MTPAP: variants seen among roughly 807,000 people sequenced by gnomAD.
The protein encoded by MTPAP is mitochondrial poly(A) polymerase, also known as poly(A) RNA polymerase, mitochondrial.
Under a neutral mutation model 48.7 loss-of-function variants are expected in MTPAP, and 23 were observed. That is an observed-to-expected ratio of 0.47 (90% CI 0.34 to 0.67). The LOEUF (loss-of-function observed/expected upper bound fraction) is 0.67, where lower values mean the gene tolerates loss of function less well. Among genes scored for constraint, MTPAP ranks in the 30% least tolerant of loss-of-function variants. The pLI, the probability that MTPAP is intolerant of heterozygous loss-of-function variation, is 0.01. For missense variants in MTPAP, 614 were observed against 694.3 expected (o/e 0.88, Z 1.30); for synonymous variants, 257 against 254.1 (o/e 1.01, Z -0.11).
Position 30,324,793 on chromosome 10 carries a change from G to C in MTPAP, c.992+1631C>G, listed in dbSNP as rs142166905. ...GAGGTGGGCAGATCACCTGAGGTCC[G>C]GAGTTCAAGACCAGCCTGGCCAACA... is the stretch of plus-strand genomic sequence containing the variant. On this transcript the variant is annotated intron_variant, in intron 5 of 8. Coordinates refer to ENST00000263063, the MANE Select transcript of MTPAP (RefSeq NM_018109.4). Among the ~76,000 whole-genome samples the C allele has an allele frequency of 5.3e-5, 8 of 152,186 alleles. No homozygotes were observed. In the South Asian group the frequency reaches 1.7e-3, roughly 32 times the overall value.
intron 1 of MTPAP, among the ~76,000 whole-genome samples, chr10:30,348,536 A>G (rs1230754577): frequency 1.3e-5 from 2 of 152,240 alleles, no homozygotes; most frequent in African/African-American, 4.8e-5. Flanking sequence ...TACACAAAGA[A>G]GCATATAAAT....
In MTPAP at chr10:30,334,558, G is replaced by C. The variant is rs559120703; in HGVS notation, c.780+2245C>G. Among the ~76,000 whole-genome samples, 332 of 152,230 alleles carry C rather than the reference G, an allele frequency of 2.2e-3. 1 individual carries two copies. The highest frequency in any genetic ancestry group is 7.5e-3 in the African/African-American group (311 of 41,518). ...TGCCTGAAGTCCCAGCTACACAGGAGGCTGAGGCAGGAGAATCACTTGAAC... is the reference window on the plus strand; with the variant it reads ...TGCCTGAAGTCCCAGCTACACAGGACGCTGAGGCAGGAGAATCACTTGAAC... On this transcript the variant is annotated intron_variant, in intron 4 of 8. Coordinates refer to ENST00000263063, the MANE Select transcript of MTPAP (RefSeq NM_018109.4).
At chr10:30,337,145 C>T (rs1251326000) in intron 3 of MTPAP, 118 bp from the exon 4 acceptor site, 2 of 909,244 alleles carry the variant, frequency 2.2e-6, no homozygotes, top group Admixed American at 4.0e-5. Context: ...ATATGCAAAG[C>T]CTGGCGCAGT....
intron 5 of MTPAP, 34 bp downstream of exon 5, chr10:30,326,390 T>A (rs754529702): frequency 4.5e-6 from 7 of 1,556,424 alleles, no homozygotes; most frequent in Non-Finnish European, 6.2e-6. Context: ...ATCAGAATAT[T>A]CATATTTAAA....
intron 8 of MTPAP, 62 bp downstream of exon 8, chr10:30,315,901 A>T: frequency 7.1e-7 from 1 of 1,408,496 alleles, no homozygotes; most frequent in Non-Finnish European, 9.7e-7. Flanking sequence ...GAAAACAGTT[A>T]ATTAAATATT....
chr10:30,326,276 T>C, intron 5 of MTPAP, 148 bp downstream of exon 5: 1 of 715,802 alleles, frequency 1.4e-6, no homozygotes, highest in Non-Finnish European at 2.3e-6. Context: ...GAGAAAAGAT[T>C]ACTTACTTTT....
At position 30,338,143 on chromosome 10, in the gene MTPAP, A is replaced by C. The variant is rs995409100; in HGVS notation, c.556-1116T>G. The stretch of plus-strand genomic sequence containing the variant: ...GCTGGGCATGGTGGAATGCATCTGT[A>C]GTCTCAGCTACTCAGAAGGCTGAGG... On this transcript the variant is annotated intron_variant, in intron 3 of 8. Transcript: ENST00000263063. Among the ~76,000 whole-genome samples, 4 of 151,974 alleles carry C rather than the reference A, an allele frequency of 2.6e-5. No individual in the cohort carries two copies. In the South Asian group the frequency reaches 8.3e-4, roughly 32 times the overall value.
In MTPAP at chr10:30,310,959, A is replaced by G. The variant is rs372239832; in HGVS notation, c.*2650T>C. ...AAAATTAATCACATAATTAAATCTG[A>G]TTCTGAAAAGTAAAACAGCCTAGTG... On this transcript the variant is annotated 3_prime_UTR_variant, in exon 9 of 9. Transcript: ENST00000263063. 2.0e-5 allele frequency: 3 copies of G among 152,282 alleles called. No homozygotes were observed. Among genetic ancestry groups the G allele is most frequent in the African/African-American group, 7.2e-5 (3 of 41,548 alleles). The allele number at this position is 152,282 out of a possible 1,614,324, so 9.4% of individuals were successfully genotyped here.
At chr10:30,337,640 A>C (rs1834745355) in intron 3 of MTPAP, among the ~76,000 whole-genome samples, 1 of 152,232 alleles carries the variant, frequency 6.6e-6, no homozygotes, top group Non-Finnish European at 1.5e-5. Flanking sequence ...CCACTAGCAA[A>C]ATGAAAGTTG....
chr10:30,330,040 C>T lies in MTPAP; in HGVS notation c.781-3405G>A, dbSNP rs1834647367. ...TATATTAAATTATTCACCGGGTTAT[C>T]TCTGGAGGCAGTGTGACCAACAGAG... On this transcript the variant is annotated intron_variant, in intron 4 of 8. Coordinates refer to ENST00000263063, the MANE Select transcript of MTPAP (RefSeq NM_018109.4). 2.0e-5 allele frequency among the ~76,000 whole-genome samples: 3 copies of T among 151,936 alleles called. No homozygotes were observed. In the South Asian group the frequency reaches 6.2e-4, roughly 31 times the overall value.
At chr10:30,339,628 T>C (rs1019830476) in intron 3 of MTPAP, among the ~76,000 whole-genome samples, 15 of 152,186 alleles carry the variant, frequency 9.9e-5, no homozygotes, top group African/African-American at 3.6e-4. Context: ...AAGAATGTGG[T>C]TACCTGTAAG....
intron 3 of MTPAP, among the ~76,000 whole-genome samples, chr10:30,339,414 G>C (rs988554190): frequency 6.7e-6 from 1 of 149,228 alleles, no homozygotes; most frequent in Non-Finnish European, 1.5e-5. Context: ...TTGAATCGGG[G>C]AGCAGTTGCA....
At chr10:30,336,706 T>C (rs1834734178) in intron 4 of MTPAP, 97 bp downstream of exon 4, 4 of 975,084 alleles carry the variant, frequency 4.1e-6, no homozygotes. Context: ...TTAATAAGTT[T>C]AGAAATCAAC....
At chr10:30,332,755 C>G (rs1379097115) in intron 4 of MTPAP, among the ~76,000 whole-genome samples, 1 of 152,088 alleles carries the variant, frequency 6.6e-6, no homozygotes, top group East Asian at 1.9e-4. Flanking sequence ...GAGGCTGAGG[C>G]AGGAGGATCG....
At chr10:30,325,022 A>G (rs955496277) in intron 5 of MTPAP, among the ~76,000 whole-genome samples, 44 of 152,176 alleles carry the variant, frequency 2.9e-4, no homozygotes, top group African/African-American at 9.9e-4. Context: ...AAAAGAAGAA[A>G]CAGCAACTTA....
intron 1 of MTPAP, chr10:30,348,744 A>C (rs1382599795): frequency 8.7e-6 from 2 of 228,708 alleles, no homozygotes; most frequent in African/African-American, 4.5e-5. Flanking sequence ...TTAATGTATC[A>C]AAATCAGAAA....
At chr10:30,343,224 G>A (rs145686645) in intron 1 of MTPAP, among the ~76,000 whole-genome samples, 7,937 of 151,906 alleles carry the variant, frequency 0.052, 690 homozygotes, top group African/African-American at 0.18. Flanking sequence ...GGAGGTGGGC[G>A]GATCACCTGA....
intron 1 of MTPAP, among the ~76,000 whole-genome samples, chr10:30,345,373 C>T (rs995744535): frequency 6.6e-6 from 1 of 152,112 alleles, no homozygotes; most frequent in Non-Finnish European, 1.5e-5. Context: ...ACAAACAATG[C>T]TGCAATGTCA....
At chr10:30,344,602 C>T (rs1000295046) in intron 1 of MTPAP, among the ~76,000 whole-genome samples, 7 of 152,202 alleles carry the variant, frequency 4.6e-5, no homozygotes, top group African/African-American at 1.7e-4. Context: ...CACCTTACCA[C>T]CTTTTCAGTT....
Sources: gnomAD v4.1 joint callset for allele counts (sites outside exome capture counted in the v4.1 genomes callset) on GRCh38, gnomAD v4.1.1 for gene constraint, MANE v1.5 for transcripts, NCBI Gene and HGNC (gene_info 2026-07-23, HGNC 2026-07-21) for gene names.